The following FAM170A variants were observed in gnomAD, a reference collection of about 807,000 sequenced individuals.
FAM170A encodes family with sequence similarity 170 member A, also known as protein FAM170A.
A neutral mutation model predicts 36.6 loss-of-function variants in FAM170A; 28 were observed. That is an observed-to-expected ratio of 0.76 (90% CI 0.57 to 1.05). FAM170A has a LOEUF of 1.05. Ranked by LOEUF, FAM170A falls within the 50% of genes least tolerant of loss-of-function variation. The pLI is 0.00. For missense variants in FAM170A, 434 were observed against 396.5 expected (o/e 1.09, Z -0.80); for synonymous variants, 156 against 143.9 (o/e 1.08, Z -0.60).
In FAM170A at chr5:119,629,633, T is replaced by C. The variant is rs532012390; in HGVS notation, c.-136T>C. On this transcript the variant is annotated 5_prime_UTR_variant, in exon 1 of 5. Coordinates refer to ENST00000613773, the Ensembl canonical transcript of FAM170A. ...CACTAAGCGGTCTGAGTTCTTTAGC[T>C]ATCTCGGAGATTCAACTACGTTTAC... 5 of 657,284 alleles carry C rather than the reference T, an allele frequency of 7.6e-6. No individual in the cohort carries two copies. The South Asian group carries it at 8.6e-5, about 11-fold the overall frequency. The allele number at this position is 657,284 out of a possible 1,614,324, so 40.7% of individuals were successfully genotyped here. A position where few individuals can be genotyped will look rare whatever the true frequency, so the allele number is the denominator to read the frequency against.
exon 1 of FAM170A, chr5:119,629,831 G>C (rs774028489): frequency 1.2e-6 from 2 of 1,613,336 alleles, no homozygotes; most frequent in Middle Eastern, 3.3e-4. Context: ...CCGCTGAGAA[G>C]GGAGGAGGTA....
chr5:119,633,142 G>C (rs556259069), intron 2 of FAM170A, among the ~76,000 whole-genome samples: 16 of 152,156 alleles, frequency 1.1e-4, no homozygotes, highest in Admixed American at 2.0e-4. Context: ...GATGCAGGGC[G>C]CTATGGGTAT....
At chr5:119,632,752 G>A in exon 2 of FAM170A, 6 of 1,590,280 alleles carry the variant, frequency 3.8e-6, no homozygotes, top group Non-Finnish European at 4.3e-6. Flanking sequence ...TCTCAGGAAT[G>A]TCAAAGTCCC....
exon 3 of FAM170A, chr5:119,634,150 A>G: frequency 1.2e-6 from 2 of 1,614,162 alleles, no homozygotes; most frequent in Non-Finnish European, 1.7e-6. Context: ...TGCAGGTACA[A>G]ATGAACAAAG....
chr5:119,629,776 G>A, exon 1 of FAM170A: 1 of 1,613,180 alleles, frequency 6.2e-7, no homozygotes, highest in Non-Finnish European at 8.5e-7. Flanking sequence ...ATCATGAAAC[G>A]ACGACAAAAG....
exon 3 of FAM170A, chr5:119,634,681 G>T: frequency 6.4e-7 from 1 of 1,567,364 alleles, no homozygotes; most frequent in Non-Finnish European, 8.6e-7. Flanking sequence ...TTGGCCTGAG[G>T]AGATCCTGGA....
At chr5:119,635,435 T>A (rs1401594077) in intron 4 of FAM170A, among the ~76,000 whole-genome samples, 1 of 152,168 alleles carries the variant, frequency 6.6e-6, no homozygotes, top group African/African-American at 2.4e-5. Flanking sequence ...GCCTTTGGCC[T>A]GAGCTGGGAT....
intron 2 of FAM170A, 46 bp from the exon 3 acceptor site, chr5:119,633,914 T>A: frequency 6.4e-7 from 1 of 1,570,250 alleles, no homozygotes; most frequent in South Asian, 1.2e-5. Context: ...CCTCAGCTCC[T>A]AGCATGGCCC....
chr5:119,630,149 C>CTTTT (rs35312547), intron 1 of FAM170A, among the ~76,000 whole-genome samples: 8 of 85,234 alleles, frequency 9.4e-5, no homozygotes, highest in African/African-American at 3.7e-4. Flanking sequence ...CCTCGGCCTC[C>CTTTT]TTTTTTTTTT....
chr5:119,635,007 T>C, intron 3 of FAM170A, 21 bp from the exon 4 acceptor site: 1 of 1,613,974 alleles, frequency 6.2e-7, no homozygotes, highest in Non-Finnish European at 8.5e-7. Context: ...AGTGTCTTTC[T>C]TTGGTTTGAT....
At chr5:119,633,244 G>T (rs182254482) in intron 2 of FAM170A, among the ~76,000 whole-genome samples, 6 of 152,276 alleles carry the variant, frequency 3.9e-5, no homozygotes, top group African/African-American at 7.2e-5. Context: ...CAAGGATGAG[G>T]CTAAGAAGAA....
chr5:119,634,589 G>A (rs1195724323), exon 3 of FAM170A: 2 of 1,613,472 alleles, frequency 1.2e-6, no homozygotes, highest in Non-Finnish European at 1.7e-6. Flanking sequence ...AGATGAGCAG[G>A]AGGAGGAAAA....
intron 1 of FAM170A, among the ~76,000 whole-genome samples, chr5:119,631,524 C>G (rs1354201004): frequency 1.3e-5 from 2 of 152,138 alleles, no homozygotes; most frequent in Admixed American, 6.5e-5. Flanking sequence ...ACTCAATACA[C>G]ATAACAGTGT....
intron 1 of FAM170A, among the ~76,000 whole-genome samples, chr5:119,630,951 G>C (rs1756237100): frequency 6.6e-6 from 1 of 152,200 alleles, no homozygotes; most frequent in African/African-American, 2.4e-5. Context: ...TAGGGATGGC[G>C]TCATAGTGAA....
chr5:119,635,236 C>T, intron 4 of FAM170A, 150 bp downstream of exon 4: 3 of 611,640 alleles, frequency 4.9e-6, no homozygotes, highest in South Asian at 1.9e-5. Context: ...GGGAATTGTC[C>T]TCCATTTGCT....
At chr5:119,633,142 G>T (rs556259069) in intron 2 of FAM170A, among the ~76,000 whole-genome samples, 1 of 152,038 alleles carries the variant, frequency 6.6e-6, no homozygotes, top group East Asian at 1.9e-4. Flanking sequence ...GATGCAGGGC[G>T]CTATGGGTAT....
At chr5:119,633,154 T>A (rs328697) in intron 2 of FAM170A, among the ~76,000 whole-genome samples, 104,855 of 151,832 alleles carry the variant, frequency 0.69, 36,416 homozygotes, top group South Asian at 0.77. Flanking sequence ...TATGGGTATG[T>A]GACTCTTTGG....
rs762874385 is a variant in FAM170A, at chr5:119,634,013, G to T, written c.265G>T (p.Val89Phe). Residue 89 changes from valine (V) to phenylalanine (F), a missense_variant, in exon 3 of 5, where the codon GTT becomes TTT. Val to Phe is a conservative substitution (Grantham distance 50). Transcript: ENST00000613773. ...CCAGCCTCAATCACCCCTGGCCCAG[G>T]TTCAGGAACGAGGAGAGACTCCTCC... is the stretch of plus-strand genomic sequence containing the variant. The T allele has an allele frequency of 5.6e-6, 9 of 1,613,976 alleles. No individual in the cohort carries two copies. In the Admixed American group the frequency reaches 8.3e-5, roughly 15 times the overall value.
At chr5:119,632,814 A>C in exon 2 of FAM170A, 1 of 1,613,186 alleles carries the variant, frequency 6.2e-7, no homozygotes, top group Non-Finnish European at 8.5e-7. Context: ...GGCTGGAGCC[A>C]AGGGGTGGGA....
Sources: gnomAD v4.1 joint callset for allele counts (sites outside exome capture counted in the v4.1 genomes callset) on GRCh38, gnomAD v4.1.1 for gene constraint, MANE v1.5 for transcripts, NCBI Gene and HGNC (gene_info 2026-07-23, HGNC 2026-07-21) for gene names.